RPL24: variants seen among roughly 807,000 people sequenced by gnomAD.
The protein encoded by RPL24 is large ribosomal subunit protein eL24.
Under a neutral mutation model 26.4 loss-of-function variants are expected in RPL24, and 7 were observed. The observed-to-expected ratio is 0.27, with a 90% CI of 0.15 to 0.50. The LOEUF (loss-of-function observed/expected upper bound fraction) is 0.50, where lower values mean the gene tolerates loss of function less well. Among genes scored for constraint, RPL24 ranks in the 20% least tolerant of loss-of-function variants. The pLI is 0.98. For missense variants in RPL24, 109 were observed against 194.9 expected (o/e 0.56, Z 2.62); for synonymous variants, 67 against 65.2 (o/e 1.03, Z -0.13).
chr3:101,684,775 CCAAAAAAAAAAAA>C (rs1684779803), intron 3 of RPL24, among the ~76,000 whole-genome samples: 1 of 11,596 alleles, frequency 8.6e-5, no homozygotes, highest in Admixed American at 1.3e-3. Flanking sequence ...ACCTGTCTCC[CCAAAAAAAAAAAA>C]AAAAAAAAAA....
rs1937338050 is a variant in RPL24 at position 101,686,103 on chromosome 3, T to C, written c.82-175A>G. 11 of 591,116 alleles carry C rather than the reference T, an allele frequency of 1.9e-5. No individual in the cohort carries two copies. The East Asian group carries it at 2.8e-4, about 15-fold the overall frequency. 36.6% of individuals were successfully genotyped at this position (591,116 alleles called of 1,614,324 possible). ...ACTGGCAGGTAACTGTGTCACACTA[T>C]GAAGGTCCTTGCGTTTAGTCTTTTC... On this transcript the variant is annotated intron_variant, in intron 2 of 5. Coordinates refer to ENST00000394077, the MANE Select transcript of RPL24 (RefSeq NM_000986.4).
chr3:101,686,716 AAGAG>A (rs370674861), exon 1 of RPL24: 244 of 1,613,816 alleles, frequency 1.5e-4, 2 homozygotes, highest in East Asian at 4.1e-3. Context: ...GGCGAAAAGA[AAGAG>A]AGAATCATGG....
At position 101,685,857 on chromosome 3, in the gene RPL24, C is replaced by T; in HGVS notation, c.153G>A (p.Trp51Ter). Residue 51 changes from tryptophan to a stop codon, truncating the protein, a stop_gained, in exon 3 of 6, where the codon TGG (tryptophan) becomes TGA (stop). Transcript: ENST00000394077. LOFTEE classifies it high-confidence loss of function. The part of the protein sequence containing the change: ...LSKRNPRQIN[W>*]TVLYRRKHKK... Reference sequence around the variant, plus strand: ...TGTGCTTCCTTCTGTAGAGGACAGTCCAGTTTATCTGCCGAGGATTCCTCT... The same window carrying T: ...TGTGCTTCCTTCTGTAGAGGACAGTTCAGTTTATCTGCCGAGGATTCCTCT... The T allele has an allele frequency of 6.2e-7, 1 of 1,613,712 alleles. No individual in the cohort carries two copies. Among genetic ancestry groups the T allele is most frequent in the Non-Finnish European group, 8.5e-7 (1 of 1,179,660 alleles).
rs1937348789 is a variant in RPL24, at chr3:101,686,689, A to T, written c.-13T>A. On this transcript the variant is annotated 5_prime_UTR_variant, in exon 1 of 6. Transcript: ENST00000394077. ...GTGCTTACTTCATGGCGACAGCTCC[A>T]CGGAAAGACAAAAGATGGCGAAAAG... is the stretch of plus-strand genomic sequence containing the variant. The T allele has an allele frequency of 2.5e-6, 4 of 1,614,250 alleles. No individual in the cohort carries two copies. Among genetic ancestry groups the T allele is most frequent in the Non-Finnish European group, 3.4e-6 (4 of 1,180,042 alleles).
chr3:101,681,481 AACT>A, intron 5 of RPL24: 1 of 422,598 alleles, frequency 2.4e-6, no homozygotes, highest in Non-Finnish European at 4.3e-6. Context: ...TCCTAACAGA[AACT>A]CACAGAAAAG....
intron 3 of RPL24, among the ~76,000 whole-genome samples, chr3:101,683,478 T>G (rs1468209367): frequency 4.6e-5 from 7 of 152,214 alleles, no homozygotes; most frequent in Non-Finnish European, 1.0e-4. Flanking sequence ...CAAAATTACC[T>G]TAAAAACTTT....
chr3:101,686,330 G>C (rs1274148461), intron 2 of RPL24, 152 bp downstream of exon 2: 1 of 636,024 alleles, frequency 1.6e-6, no homozygotes, highest in African/African-American at 1.8e-5. Context: ...TTCACTTAGA[G>C]GTTTCTGGTC....
rs934384777 is a variant in RPL24 at position 101,686,467 on chromosome 3, G to T, written c.81+15C>A. 3.1e-6 allele frequency: 5 copies of T among 1,611,846 alleles called. No homozygotes were observed. The African/African-American group carries it at 6.7e-5, about 22-fold the overall frequency. On this transcript the variant is annotated intron_variant, in intron 2 of 5. Coordinates refer to ENST00000394077, the MANE Select transcript of RPL24 (RefSeq NM_000986.4). ...GGAGTACAAGAAGGTAGGTGAAGCC[G>T]ACGCGGCTTTTTACCTTCCCGTCGG...
rs371286950 is a variant in RPL24, at chr3:101,686,682, C to T, written c.-6G>A. 3.7e-6 allele frequency: 6 copies of T among 1,614,240 alleles called. No homozygotes were observed. Among genetic ancestry groups the T allele is most frequent in the East Asian group, 4.5e-5 (2 of 44,884 alleles). On this transcript the variant is annotated 5_prime_UTR_variant, in exon 1 of 6. Transcript: ENST00000394077. ...ACGGGTCGTGCTTACTTCATGGCGA[C>T]AGCTCCACGGAAAGACAAAAGATGG...
rs765910563 is a variant in RPL24, at chr3:101,681,183, A to C, written c.426T>G (p.Ile142Met). 1 of 1,613,798 alleles carries C rather than the reference A, an allele frequency of 6.2e-7. No individual in the cohort carries two copies. Among genetic ancestry groups the C allele is most frequent in the Admixed American group, 1.7e-5 (1 of 59,990 alleles). ...GAGCTGAAACTTTCACAGGCTTCAC[A>C]ATCTTTTGCTTAGGTGCTGCCTTTG... Reference protein sequence around the residue: ...APTKAAPKQKIVKPVKVSAPR... With the variant: ...APTKAAPKQKMVKPVKVSAPR... The change falls in exon 6 of 6, where the codon ATT (isoleucine) becomes ATG (methionine). Residue 142 changes from isoleucine to methionine, a missense_variant. By Grantham distance (10) the Ile-to-Met change is conservative. Transcript: ENST00000394077.
At chr3:101,682,408 G>A (rs1194388488) in intron 5 of RPL24, 21 bp downstream of exon 5, 3 of 1,597,720 alleles carry the variant, frequency 1.9e-6, no homozygotes, top group Non-Finnish European at 2.6e-6. Context: ...GTTCAAGAAA[G>A]TAAAGAAACC....
At chr3:101,686,113 T>C (rs1937338277) in intron 2 of RPL24, 185 bp from the exon 3 acceptor site, 1 of 584,352 alleles carries the variant, frequency 1.7e-6, no homozygotes, top group Non-Finnish European at 3.1e-6. Flanking sequence ...TGAAGGTCCT[T>C]GCGTTTAGTC....
chr3:101,686,279 C>T, intron 2 of RPL24: 1 of 596,610 alleles, frequency 1.7e-6, no homozygotes, highest in Non-Finnish European at 3.0e-6. Context: ...ATAAACCCCT[C>T]CTGATGTCCG....
At chr3:101,681,280 A>ACATC in intron 5 of RPL24, 65 bp from the exon 6 acceptor site, 2 of 1,069,418 alleles carry the variant, frequency 1.9e-6, no homozygotes, top group African/African-American at 1.6e-5. Context: ...CCCATCTCTC[A>ACATC]CATCCAGATT....
At chr3:101,684,788 A>ACC (rs1559993226) in intron 3 of RPL24, among the ~76,000 whole-genome samples, 41 of 79,684 alleles carry the variant, frequency 5.1e-4, no homozygotes, top group African/African-American at 1.2e-3. Flanking sequence ...AAAAAAAAAA[A>ACC]AAAAAAAAAA....
chr3:101,685,278 A>G (rs1937321584), intron 3 of RPL24, among the ~76,000 whole-genome samples: 1 of 151,620 alleles, frequency 6.6e-6, no homozygotes. Flanking sequence ...GATGGCATTT[A>G]TTTCTCACAA....
At chr3:101,682,185 C>G in intron 5 of RPL24, 1 of 452,128 alleles carries the variant, frequency 2.2e-6, no homozygotes, top group Non-Finnish European at 4.0e-6. Flanking sequence ...AACCCTGTCT[C>G]TACTTAAACA....
At chr3:101,682,392 T>G in intron 5 of RPL24, 37 bp downstream of exon 5, 1 of 1,547,632 alleles carries the variant, frequency 6.5e-7, no homozygotes, top group Non-Finnish European at 8.9e-7. Flanking sequence ...ATTTTCCTGT[T>G]GTATTGTTCA....
intron 3 of RPL24, among the ~76,000 whole-genome samples, chr3:101,685,049 C>G (rs914284021): frequency 5.3e-5 from 8 of 151,966 alleles, no homozygotes; most frequent in African/African-American, 1.5e-4. Flanking sequence ...AGAAGTGGAA[C>G]TGCTGGGATA....
Sources: allele counts gnomAD v4.1 joint callset (sites outside exome capture counted in the v4.1 genomes callset), GRCh38; gene constraint gnomAD v4.1.1; transcripts MANE v1.5; gene names NCBI Gene and HGNC (gene_info 2026-07-23, HGNC 2026-07-21).